The following HMGN2 variants were observed in gnomAD, a reference collection of about 807,000 sequenced individuals.
HMGN2 encodes the protein non-histone chromosomal protein HMG-17.
HMGN2 carries 2 observed loss-of-function variants against 16.9 expected under a neutral mutation model. The ratio of observed to expected loss-of-function variants is 0.12; its 90% CI spans 0.05 to 0.37. HMGN2 has a LOEUF of 0.37. Among genes scored for constraint, HMGN2 ranks in the 10% least tolerant of loss-of-function variants. HMGN2 has a pLI of 1.00. For synonymous variants in HMGN2, 31 were observed against 34.9 expected, an observed-to-expected ratio of 0.89 and a Z score of 0.39; for missense variants, 90 against 106.0, an observed-to-expected ratio of 0.85 and a Z score of 0.66.
intron 4 of HMGN2, 142 bp downstream of exon 4, chr1:26,474,277 G>A (rs2075594031): frequency 1.5e-6 from 1 of 654,718 alleles, no homozygotes; most frequent in Non-Finnish European, 2.6e-6. Flanking sequence ...CATTCATAAC[G>A]TTGGTTTCCT....
In HMGN2 at chr1:26,473,321, C is replaced by CA. The variant is rs1570378199; in HGVS notation, c.16-162_16-161insA. 2.3e-5 allele frequency: 14 copies of CA among 598,796 alleles called. 1 individual carries two copies. The East Asian group carries it at 4.0e-4, about 17-fold the overall frequency. 37.1% of individuals were successfully genotyped at this position (598,796 alleles called of 1,614,324 possible). A position where few individuals can be genotyped will look rare whatever the true frequency, so the allele number is the denominator to read the frequency against. On this transcript the variant is annotated intron_variant, in intron 1 of 5. Transcript: ENST00000361427. ...TCTCGGGGTCGGCGAGCCGGAGCTCCTGCGCGCGCTTCGTTCTTATACGAA... is the reference window on the plus strand; with the variant it reads ...TCTCGGGGTCGGCGAGCCGGAGCTCCATGCGCGCGCTTCGTTCTTATACGAA...
intron 3 of HMGN2, 145 bp downstream of exon 3, chr1:26,473,877 C>A: frequency 1.1e-6 from 1 of 905,228 alleles, no homozygotes; most frequent in Non-Finnish European, 1.7e-6. Flanking sequence ...TTGGGTTTTG[C>A]TGGTTCTGAA....
rs1450137620 is a variant in HMGN2, at chr1:26,473,512, A to G, written c.45A>G (p.Ala15=). 3 of 1,613,504 alleles carry G rather than the reference A, an allele frequency of 1.9e-6. No individual in the cohort carries two copies. Among genetic ancestry groups the G allele is most frequent in the East Asian group, 2.2e-5 (1 of 44,882 alleles). ...KAEGDAKGDK[A]KVKDEPQRRS... Reference sequence around the variant, plus strand: ...AAGGGGATGCTAAGGGAGATAAAGCAAAGGTGAAGGACGAAGTAAGTCATT... The same window carrying G: ...AAGGGGATGCTAAGGGAGATAAAGCGAAGGTGAAGGACGAAGTAAGTCATT... The change falls in exon 2 of 6, where the codon GCA becomes GCG. Residue 15 remains alanine (A), a synonymous_variant. Coordinates refer to ENST00000361427, the MANE Select transcript of HMGN2 (RefSeq NM_005517.4).
chr1:26,475,039 A>T, intron 5 of HMGN2, 74 bp from the exon 6 acceptor site: 1 of 1,224,448 alleles, frequency 8.2e-7, no homozygotes. Context: ...GAGCAAAGTG[A>T]TGCTGTAGGT....
rs755315998 is a variant in HMGN2, at chr1:26,474,618, G to C, written c.188G>C (p.Gly63Ala). 1 of 1,595,908 alleles carries C rather than the reference G, an allele frequency of 6.3e-7. No homozygotes were observed. The highest frequency in any genetic ancestry group is 1.3e-5 in the African/African-American group (1 of 74,602). ...PKGKKGKADAGKEGNNPAENG... is the reference protein window; with the variant it reads ...PKGKKGKADAAKEGNNPAENG... The stretch of plus-strand genomic sequence containing the variant: ...GGGAAAAAGGGAAAAGCTGATGCTG[G>C]CAAGGAGGGGAATAACCCTGCAGAA... Residue 63 changes from glycine to alanine, a missense_variant, in exon 5 of 6, where the codon GGC (glycine) becomes GCC (alanine). Gly to Ala is a moderately conservative substitution (Grantham distance 60). Coordinates refer to ENST00000361427, the MANE Select transcript of HMGN2 (RefSeq NM_005517.4).
chr1:26,472,784 C>G (rs1372261685), intron 1 of HMGN2, among the ~76,000 whole-genome samples, 157 bp downstream of exon 1: 1 of 151,760 alleles, frequency 6.6e-6, no homozygotes, highest in Non-Finnish European at 1.5e-5. Flanking sequence ...GGGGCTAACC[C>G]TGAGCGGCTC....
At chr1:26,474,886 C>T (rs2075598161) in intron 5 of HMGN2, 3 of 608,644 alleles carry the variant, frequency 4.9e-6, no homozygotes, top group South Asian at 2.0e-5. Context: ...CTAGGAGTAA[C>T]CTCAGGTCTC....
chr1:26,476,179 A>T lies in HMGN2; in HGVS notation c.*1031A>T, dbSNP rs946758610. Among the ~76,000 whole-genome samples the T allele has an allele frequency of 6.6e-6, 1 of 152,172 alleles. No individual in the cohort carries two copies. Among genetic ancestry groups the T allele is most frequent in the African/African-American group, 2.4e-5 (1 of 41,444 alleles). On this transcript the variant is annotated 3_prime_UTR_variant, in exon 6 of 6. Transcript: ENST00000361427. The stretch of plus-strand genomic sequence containing the variant: ...TAGCTGATGGTGAAAGGCTGGGAGT[A>T]TGGAGTGATTTCTGTACTTGGTTAT...
At position 26,472,477 on chromosome 1, in the gene HMGN2, A is replaced by AT; in HGVS notation, c.-135dup. ...TAACCGGTCCGGGGCTCCCAGCGCT[A>AT]TAAAAACTTTATAAACCCCCCGGAG... On this transcript the variant is annotated 5_prime_UTR_variant, in exon 1 of 6. Transcript: ENST00000361427. The AT allele has an allele frequency of 4.6e-6, 5 of 1,086,488 alleles. No individual in the cohort carries two copies. In the South Asian group the frequency reaches 6.7e-5, roughly 14 times the overall value. The allele number at this position is 1,086,488 out of a possible 1,614,324, so 67.3% of individuals were successfully genotyped here.
At position 26,475,332 on chromosome 1, in the gene HMGN2, G is replaced by A. The variant is rs529075985; in HGVS notation, c.*184G>A. ...GGGGAAGGGGCATATGTCACTAATA[G>A]AATGTCTCCAAAGCTGGATTGATGT... On this transcript the variant is annotated 3_prime_UTR_variant, in exon 6 of 6. Coordinates refer to ENST00000361427, the MANE Select transcript of HMGN2 (RefSeq NM_005517.4). 110 of 487,072 alleles carry A rather than the reference G, an allele frequency of 2.3e-4. No individual in the cohort carries two copies. Among genetic ancestry groups the A allele is most frequent in the African/African-American group, 1.8e-3 (91 of 50,594 alleles). 30.2% of individuals were successfully genotyped at this position (487,072 alleles called of 1,614,324 possible). A position where few individuals can be genotyped will look rare whatever the true frequency, so the allele number is the denominator to read the frequency against.
intron 5 of HMGN2, 53 bp downstream of exon 5, chr1:26,474,720 A>C (rs1398603211): frequency 3.5e-6 from 3 of 860,864 alleles, no homozygotes; most frequent in Non-Finnish European, 5.9e-6. Context: ...TTAGTTGCTG[A>C]TATCAAAAAT....
chr1:26,474,416 A>G (rs567211718), intron 4 of HMGN2, among the ~76,000 whole-genome samples, 156 bp from the exon 5 acceptor site: 5 of 152,248 alleles, frequency 3.3e-5, no homozygotes, highest in Non-Finnish European at 7.3e-5. Flanking sequence ...CAAATTACAG[A>G]TAATTTAGCC....
chr1:26,472,944 C>T (rs1372712022), intron 1 of HMGN2, among the ~76,000 whole-genome samples: 2 of 152,040 alleles, frequency 1.3e-5, no homozygotes, highest in African/African-American at 4.8e-5. Context: ...CCCTCCCCTC[C>T]CTGCGGGCGG....
chr1:26,473,023 A>G (rs2075583349), intron 1 of HMGN2, among the ~76,000 whole-genome samples: 2 of 69,290 alleles, frequency 2.9e-5, no homozygotes, highest in Admixed American at 3.0e-4. Context: ...CGCTGCCGCC[A>G]AAAAACCGCC....
intron 5 of HMGN2, 132 bp downstream of exon 5, chr1:26,474,799 A>T (rs2045343): frequency 0.054 from 35,078 of 644,114 alleles, 1,220 homozygotes; most frequent in Admixed American, 0.12. Context: ...CTTTCCTGTT[A>T]ACTTAAATCC....
chr1:26,473,540 C>T lies in HMGN2; in HGVS notation c.60+13C>T, dbSNP rs760073771. On this transcript the variant is annotated intron_variant, in intron 2 of 5. Transcript: ENST00000361427. ...GGTGAAGGACGAAGTAAGTCATTCTCTCTTCAAGGGTCAAAGCCTTGGACT... is the reference window on the plus strand; with the variant it reads ...GGTGAAGGACGAAGTAAGTCATTCTTTCTTCAAGGGTCAAAGCCTTGGACT... The T allele has an allele frequency of 1.2e-6, 2 of 1,607,948 alleles. No homozygotes were observed. The highest frequency in any genetic ancestry group is 2.2e-5 in the East Asian group (1 of 44,866).
Position 26,472,591 on chromosome 1 carries a change from C to G in HMGN2, c.-22C>G. The G allele has an allele frequency of 6.5e-7, 1 of 1,535,390 alleles. No individual in the cohort carries two copies. The highest frequency in any genetic ancestry group is 1.2e-5 in the South Asian group (1 of 84,192). ...CATCCCGCGTCCAGCACCTACGTCCCGCTGCCGTCGCCGCCGCCACCATGC... is the reference window on the plus strand; with the variant it reads ...CATCCCGCGTCCAGCACCTACGTCCGGCTGCCGTCGCCGCCGCCACCATGC... On this transcript the variant is annotated 5_prime_UTR_variant, in exon 1 of 6. Transcript: ENST00000361427.
At chr1:26,473,654 C>G (rs2075590380) in intron 2 of HMGN2, 49 bp from the exon 3 acceptor site, 4 of 1,605,592 alleles carry the variant, frequency 2.5e-6, no homozygotes, top group South Asian at 1.1e-5. Context: ...ACCAAACTTT[C>G]AAAGCGACTT....
intron 4 of HMGN2, 24 bp from the exon 5 acceptor site, chr1:26,474,548 G>A (rs368132178): frequency 4.1e-5 from 46 of 1,119,702 alleles, no homozygotes; most frequent in Non-Finnish European, 5.8e-5. Context: ...GGGAGAAACA[G>A]TTCTATTTTT....
Sources: allele counts gnomAD v4.1 joint callset (sites outside exome capture counted in the v4.1 genomes callset), GRCh38; gene constraint gnomAD v4.1.1; transcripts MANE v1.5; gene names NCBI Gene and HGNC (gene_info 2026-07-23, HGNC 2026-07-21).